Variants in ORC4 observed in about 807,000 individuals in gnomAD.
The protein encoded by ORC4 is origin recognition complex subunit 4, also known as origin recognition complex, subunit 4 homolog.
A neutral mutation model predicts 63.9 loss-of-function variants in ORC4; 55 were observed. That is an observed-to-expected ratio of 0.86 (90% CI 0.69 to 1.08). The LOEUF is 1.08. Among genes scored for constraint, ORC4 ranks in the 50% least tolerant of loss-of-function variants. The pLI is 0.00. For missense variants in ORC4, 511 were observed against 504.4 expected (o/e 1.01, Z -0.13); for synonymous variants, 150 against 168.5 (o/e 0.89, Z 0.85).
intron 4 of ORC4, among the ~76,000 whole-genome samples, chr2:147,971,849 C>T (rs1049859695): frequency 6.6e-6 from 1 of 151,866 alleles, no homozygotes; most frequent in Admixed American, 6.6e-5. Flanking sequence ...AAAGAAATTA[C>T]CTAGATCTAA....
intron 1 of ORC4, among the ~76,000 whole-genome samples, chr2:147,983,465 C>T (rs893990167): frequency 2.5e-4 from 38 of 152,272 alleles, no homozygotes; most frequent in African/African-American, 8.7e-4. Flanking sequence ...GAGTTCAACA[C>T]CGAAGGCTTT....
chr2:147,999,291 G>A (rs1211750012), intron 1 of ORC4, among the ~76,000 whole-genome samples: 1 of 152,106 alleles, frequency 6.6e-6, no homozygotes, highest in Non-Finnish European at 1.5e-5. Context: ...GAAGGTGAGG[G>A]TATCAGACAA....
At chr2:147,999,253 A>G (rs558216734) in intron 1 of ORC4, among the ~76,000 whole-genome samples, 1 of 152,310 alleles carries the variant, frequency 6.6e-6, no homozygotes, top group African/African-American at 2.4e-5. Flanking sequence ...GACAGAAGAA[A>G]TCTACCCTGA....
chr2:147,974,413 C>T (rs911016693), intron 2 of ORC4, among the ~76,000 whole-genome samples: 5 of 152,000 alleles, frequency 3.3e-5, no homozygotes, highest in South Asian at 2.1e-4. Context: ...ATGGGCAGAT[C>T]GCTTGAGGTT....
chr2:147,967,506 C>G (rs370835504), intron 4 of ORC4, among the ~76,000 whole-genome samples: 1 of 149,130 alleles, frequency 6.7e-6, no homozygotes, highest in African/African-American at 2.5e-5. Context: ...ACAAACTACC[C>G]GAAAAAAAAA....
chr2:147,996,057 T>C (rs1691952060), intron 1 of ORC4, among the ~76,000 whole-genome samples: 1 of 150,542 alleles, frequency 6.6e-6, no homozygotes, highest in African/African-American at 2.4e-5. Context: ...GTAATCCCAG[T>C]GCTTTGGGAG....
At chr2:147,995,671 C>T (rs573173699) in intron 1 of ORC4, among the ~76,000 whole-genome samples, 1 of 151,998 alleles carries the variant, frequency 6.6e-6, no homozygotes, top group East Asian at 1.9e-4. Flanking sequence ...CCTTTAAGAG[C>T]TGTAACACTC....
intron 4 of ORC4, among the ~76,000 whole-genome samples, chr2:147,965,545 T>C (rs2105332191): frequency 6.6e-6 from 1 of 152,282 alleles, no homozygotes; most frequent in African/African-American, 2.4e-5. Flanking sequence ...CATATAAATG[T>C]ACCCAACACT....
chr2:147,961,104 A>AT (rs1186838424), intron 4 of ORC4, among the ~76,000 whole-genome samples: 2 of 152,182 alleles, frequency 1.3e-5, no homozygotes, highest in Non-Finnish European at 2.9e-5. Context: ...ACAAACAAAC[A>AT]TAAGACTACA....
chr2:147,978,039 G>A (rs138707554), intron 1 of ORC4, among the ~76,000 whole-genome samples: 3 of 152,322 alleles, frequency 2.0e-5, no homozygotes, highest in East Asian at 3.9e-4. Context: ...TTTCAGGGGT[G>A]TTTCAGGGAC....
rs947493373 is a variant in ORC4 at position 147,979,305 on chromosome 2, C to A, written c.-17-3330G>T. On this transcript the variant is annotated intron_variant, in intron 1 of 13. Transcript: ENST00000392857. ...TAAAAAAATCAATAAGATTTCTCCA[C>A]ACTAATAACTATTTGATAAAATTAA... is the stretch of plus-strand genomic sequence containing the variant. Among the ~76,000 whole-genome samples the A allele has an allele frequency of 3.3e-5, 5 of 152,190 alleles. No individual in the cohort carries two copies. In the East Asian group the frequency reaches 9.6e-4, roughly 29 times the overall value.
At chr2:148,000,663 G>T (rs569703668) in intron 1 of ORC4, among the ~76,000 whole-genome samples, 1 of 152,136 alleles carries the variant, frequency 6.6e-6, no homozygotes, top group East Asian at 1.9e-4. Context: ...ATCAAGCAAT[G>T]GGCTAAAACT....
intron 1 of ORC4, among the ~76,000 whole-genome samples, chr2:147,993,060 T>C (rs1262968036): frequency 1.3e-5 from 2 of 152,190 alleles, no homozygotes; most frequent in Non-Finnish European, 1.5e-5. Flanking sequence ...GAAGAATCTA[T>C]ACAGACAGGC....
chr2:148,002,311 T>C (rs956526045), intron 1 of ORC4, among the ~76,000 whole-genome samples: 2 of 152,168 alleles, frequency 1.3e-5, no homozygotes, highest in African/African-American at 4.8e-5. Flanking sequence ...AGAATATACA[T>C]TCTTCTCAGC....
intron 4 of ORC4, among the ~76,000 whole-genome samples, chr2:147,963,898 T>C (rs944635401): frequency 7.2e-5 from 11 of 151,918 alleles, no homozygotes; most frequent in Non-Finnish European, 1.2e-4. Context: ...TGTATCCAAC[T>C]AGAACCAAGG....
At chr2:147,969,512 C>A (rs1209609145) in intron 4 of ORC4, among the ~76,000 whole-genome samples, 1 of 151,562 alleles carries the variant, frequency 6.6e-6, no homozygotes, top group East Asian at 1.9e-4. Flanking sequence ...CAGACTTAGA[C>A]AAGAAGAAAA....
intron 1 of ORC4, among the ~76,000 whole-genome samples, chr2:147,995,759 C>T (rs1691925951): frequency 6.6e-6 from 1 of 151,868 alleles, no homozygotes; most frequent in South Asian, 2.1e-4. Context: ...CCGGACACAT[C>T]TGAACATCTG....
At position 148,004,433 on chromosome 2, in the gene ORC4, G is replaced by A. The variant is rs552774579; in HGVS notation, c.-18+16200C>T. 8.5e-5 allele frequency among the ~76,000 whole-genome samples: 13 copies of A among 152,224 alleles called. No individual in the cohort carries two copies. In the South Asian group the frequency reaches 2.5e-3, roughly 29 times the overall value. On this transcript the variant is annotated intron_variant, in intron 1 of 13. Transcript: ENST00000392857. ...AACAGATATACAGACCAATGGAACAGAACAGAGTCCTCAGAAATAACACCA... is the reference window on the plus strand; with the variant it reads ...AACAGATATACAGACCAATGGAACAAAACAGAGTCCTCAGAAATAACACCA...
chr2:148,001,607 A>T (rs1164740604), intron 1 of ORC4, among the ~76,000 whole-genome samples: 1 of 152,212 alleles, frequency 6.6e-6, no homozygotes, highest in Non-Finnish European at 1.5e-5. Context: ...CTCCTGAAGG[A>T]AGCACTAAAT....
Sources: gnomAD v4.1 joint callset for allele counts (sites outside exome capture counted in the v4.1 genomes callset) on GRCh38, gnomAD v4.1.1 for gene constraint, MANE v1.5 for transcripts, NCBI Gene and HGNC (gene_info 2026-07-23, HGNC 2026-07-21) for gene names.